Variants in SLC2A10 observed in about 807,000 individuals in gnomAD.
The protein encoded by SLC2A10 is solute carrier family 2, facilitated glucose transporter member 10.
In SLC2A10, 25 loss-of-function variants were observed where a neutral mutation model predicts 32.1. The ratio of observed to expected loss-of-function variants is 0.78; its 90% CI spans 0.57 to 1.09. The LOEUF (loss-of-function observed/expected upper bound fraction) is 1.09. SLC2A10 is among the 50% of genes least tolerant of loss of function. The probability of loss-of-function intolerance (pLI) is 0.00; values close to 1 mark genes in which losing one functional copy is unlikely to be tolerated. For missense variants in SLC2A10, 673 were observed against 686.5 expected, an observed-to-expected ratio of 0.98 and a Z score of 0.22; for synonymous variants, 332 against 309.6, an observed-to-expected ratio of 1.07 and a Z score of -0.76.
At chr20:46,729,535 C>G (rs1160711731) in intron 4 of SLC2A10, 47 bp downstream of exon 4, 1 of 1,610,540 alleles carries the variant, frequency 6.2e-7, no homozygotes, top group South Asian at 1.1e-5. Flanking sequence ...GTAGCACACC[C>G]CAAGCACACA....
chr20:46,716,802 C>G (rs1471654649), intron 1 of SLC2A10, among the ~76,000 whole-genome samples: 1 of 152,008 alleles, frequency 6.6e-6, no homozygotes, highest in Non-Finnish European at 1.5e-5. Context: ...GCGGGCGGAT[C>G]ACCAGAGGTC....
chr20:46,721,253 G>T (rs1215122026), intron 1 of SLC2A10, among the ~76,000 whole-genome samples: 1 of 152,128 alleles, frequency 6.6e-6, no homozygotes, highest in Non-Finnish European at 1.5e-5. Flanking sequence ...GACTCATTGG[G>T]AGCCATCTTT....
At chr20:46,713,839 A>T (rs1024916377) in intron 1 of SLC2A10, among the ~76,000 whole-genome samples, 5 of 152,246 alleles carry the variant, frequency 3.3e-5, no homozygotes, top group Middle Eastern at 3.4e-3. Flanking sequence ...GAGGCTCAGG[A>T]CGAGTCAGTC....
intron 3 of SLC2A10, among the ~76,000 whole-genome samples, chr20:46,727,999 C>T (rs138595639): frequency 1.3e-5 from 2 of 152,174 alleles, no homozygotes; most frequent in African/African-American, 2.4e-5. Context: ...TTAGGGAATC[C>T]AAGCTTCTCC....
chr20:46,712,655 T>TC (rs1407060422), intron 1 of SLC2A10, among the ~76,000 whole-genome samples: 7 of 139,754 alleles, frequency 5.0e-5, no homozygotes. Flanking sequence ...TTCTTTCTTT[T>TC]TTTTTTTTTT....
chr20:46,716,169 T>G (rs1228172393), intron 1 of SLC2A10, among the ~76,000 whole-genome samples: 5 of 151,878 alleles, frequency 3.3e-5, no homozygotes, highest in Non-Finnish European at 5.9e-5. Flanking sequence ...TTTTTTTTTT[T>G]TGAGACAGGA....
At position 46,725,592 on chromosome 20, in the gene SLC2A10, C is replaced by T. The variant is rs1288336809; in HGVS notation, c.556C>T (p.Pro186Ser). ...VLQSLSLLFL[P>S]AGTDETATHK... ...GCAATCCCTCAGCCTCCTCTTCCTCCCTGCTGGTACAGATGAGACTGCAAC... is the reference window on the plus strand; with the variant it reads ...GCAATCCCTCAGCCTCCTCTTCCTCTCTGCTGGTACAGATGAGACTGCAAC... The change falls in exon 2 of 5, where the codon CCT becomes TCT. Residue 186 changes from proline (P) to serine (S), a missense_variant. Coordinates refer to ENST00000359271, the MANE Select transcript of SLC2A10 (RefSeq NM_030777.4). 6.2e-7 allele frequency: 1 copy of T among 1,614,086 alleles called. No homozygotes were observed. Among genetic ancestry groups the T allele is most frequent in the East Asian group, 2.2e-5 (1 of 44,900 alleles).
intron 1 of SLC2A10, among the ~76,000 whole-genome samples, chr20:46,724,392 G>A (rs1411213365): frequency 1.3e-5 from 2 of 152,010 alleles, no homozygotes; most frequent in African/African-American, 4.8e-5. Flanking sequence ...ATACAGAGAT[G>A]GGTGGATGAA....
At chr20:46,729,786 G>A (rs1175534131) in intron 4 of SLC2A10, among the ~76,000 whole-genome samples, 1 of 151,852 alleles carries the variant, frequency 6.6e-6, no homozygotes, top group African/African-American at 2.4e-5. Context: ...GGGACTACAG[G>A]CGCCCGCCAC....
chr20:46,726,412 A>T, intron 2 of SLC2A10, 88 bp downstream of exon 2: 1 of 1,547,408 alleles, frequency 6.5e-7, no homozygotes, highest in Non-Finnish European at 8.7e-7. Flanking sequence ...ATGACCTGGC[A>T]GGGTGTCAGT....
At chr20:46,728,510 T>G (rs1241487457) in intron 3 of SLC2A10, among the ~76,000 whole-genome samples, 2 of 151,786 alleles carry the variant, frequency 1.3e-5, no homozygotes, top group Non-Finnish European at 2.9e-5. Context: ...GCTTTTGTCC[T>G]CTCTCCCAAA....
chr20:46,715,608 G>A (rs997872723), intron 1 of SLC2A10, among the ~76,000 whole-genome samples: 1 of 152,140 alleles, frequency 6.6e-6, no homozygotes, highest in Non-Finnish European at 1.5e-5. Context: ...AGGTAGGAGT[G>A]GCAGGGGAGA....
chr20:46,731,157 A>T (rs2425910), intron 4 of SLC2A10, among the ~76,000 whole-genome samples: 53,445 of 152,064 alleles, frequency 0.35, 10,781 homozygotes, highest in East Asian at 0.59. Context: ...GGGTGGATGC[A>T]GCATGCCATG....
At position 46,726,228 on chromosome 20, in the gene SLC2A10, C is replaced by A; in HGVS notation, c.1192C>A (p.Pro398Thr). 1 of 1,613,872 alleles carries A rather than the reference C, an allele frequency of 6.2e-7. No individual in the cohort carries two copies. Among genetic ancestry groups the A allele is most frequent in the Non-Finnish European group, 8.5e-7 (1 of 1,180,032 alleles). ...RLALSSALPG[P>T]PLPARGHALL... Reference sequence around the variant, plus strand: ...GGCCCTGAGCTCTGCCCTCCCTGGGCCCCCTCTGCCCGCTCGGGGGCATGC... The same window carrying A: ...GGCCCTGAGCTCTGCCCTCCCTGGGACCCCTCTGCCCGCTCGGGGGCATGC... Residue 398 changes from proline (P) to threonine (T), a missense_variant, in exon 2 of 5, where the codon CCC (proline) becomes ACC (threonine). Physicochemically the swap from Pro to Thr is conservative, Grantham distance 38. Coordinates refer to ENST00000359271, the MANE Select transcript of SLC2A10 (RefSeq NM_030777.4).
upstream of SLC2A10, chr20:46,709,533 C>G (rs893967092): frequency 3.5e-6 from 2 of 568,660 alleles, no homozygotes; most frequent in Non-Finnish European, 5.6e-6. Flanking sequence ...CGGTCCTGGG[C>G]TCCCCTCCGT....
rs1325922169 is a variant in SLC2A10, at chr20:46,734,739, A to C, written c.*905A>C. On this transcript the variant is annotated 3_prime_UTR_variant, in exon 5 of 5. Transcript: ENST00000359271. ...CCCATTTGTATAATGGGAAGCCTGT[A>C]CCAGGTCATTCTTAAGATTTCTCCT... 2 of 152,544 alleles carry C rather than the reference A, an allele frequency of 1.3e-5. No homozygotes were observed. The highest frequency in any genetic ancestry group is 2.9e-5 in the Non-Finnish European group (2 of 68,074). 9.4% of individuals were successfully genotyped at this position (152,544 alleles called of 1,614,324 possible).
chr20:46,730,376 G>A (rs1220168409), intron 4 of SLC2A10, among the ~76,000 whole-genome samples: 1 of 152,150 alleles, frequency 6.6e-6, no homozygotes, highest in African/African-American at 2.4e-5. Context: ...AGAAAATGAA[G>A]CAGAGCAAAA....
chr20:46,720,579 C>T (rs1380130608), intron 1 of SLC2A10, among the ~76,000 whole-genome samples: 1 of 152,082 alleles, frequency 6.6e-6, no homozygotes, highest in Non-Finnish European at 1.5e-5. Context: ...TTGTAAGATA[C>T]GGAAGTCAGA....
chr20:46,720,641 G>A (rs982958365), intron 1 of SLC2A10, among the ~76,000 whole-genome samples: 4 of 152,136 alleles, frequency 2.6e-5, no homozygotes, highest in East Asian at 1.9e-4. Context: ...GGGTCATGGC[G>A]TGCTTTCCTG....
Sources: allele counts gnomAD v4.1 joint callset (sites outside exome capture counted in the v4.1 genomes callset), GRCh38; gene constraint gnomAD v4.1.1; transcripts MANE v1.5; gene names NCBI Gene and HGNC (gene_info 2026-07-23, HGNC 2026-07-21).